The following KANSL1L variants were observed in gnomAD, a reference collection of about 807,000 sequenced individuals.
KANSL1L encodes the protein KAT8 regulatory NSL complex subunit 1-like protein.
In KANSL1L, 25 loss-of-function variants were observed where a neutral mutation model predicts 108.6. The observed-to-expected ratio is 0.23, with a 90% CI of 0.17 to 0.32. The LOEUF (loss-of-function observed/expected upper bound fraction) is 0.32. Ranked by LOEUF, KANSL1L falls within the 10% of genes least tolerant of loss-of-function variation. The probability of loss-of-function intolerance (pLI) is 1.00; values close to 1 mark genes in which losing one functional copy is unlikely to be tolerated. For missense variants in KANSL1L, 1,137 were observed against 1,125.7 expected, an observed-to-expected ratio of 1.01 and a Z score of -0.14; for synonymous variants, 405 against 395.1, an observed-to-expected ratio of 1.03 and a Z score of -0.30.
intron 3 of KANSL1L, among the ~76,000 whole-genome samples, chr2:210,108,138 A>G (rs150398700): frequency 6.6e-6 from 1 of 152,340 alleles, no homozygotes; most frequent in East Asian, 1.9e-4. Flanking sequence ...CTTATATAAT[A>G]ACATTTCAAC....
In KANSL1L at chr2:210,086,785, T is replaced by C. The variant is rs898037301; in HGVS notation, c.1551-11029A>G. Among the ~76,000 whole-genome samples, 15 of 152,124 alleles carry C rather than the reference T, an allele frequency of 9.9e-5. 1 individual carries two copies. Among genetic ancestry groups the C allele is most frequent in the Admixed American group, 7.9e-4 (12 of 15,282 alleles). ...TAGAATGAGGCTAACCTTTAAAAAT[T>C]AAAAATTTAAATTTCTTCTAACCTA... is the stretch of plus-strand genomic sequence containing the variant. On this transcript the variant is annotated intron_variant, in intron 5 of 14. Transcript: ENST00000281772.
intron 5 of KANSL1L, among the ~76,000 whole-genome samples, chr2:210,090,702 T>A (rs925069348): frequency 1.3e-5 from 2 of 151,954 alleles, no homozygotes; most frequent in East Asian, 3.9e-4. Flanking sequence ...CAGCTAATTT[T>A]AAAAAAATTT....
At chr2:210,172,452 A>G (rs1688386267), upstream of KANSL1L, among the ~76,000 whole-genome samples, 1 of 152,246 alleles carries the variant, frequency 6.6e-6, no homozygotes, top group South Asian at 2.1e-4. Context: ...AATCCGTAAC[A>G]TAGATAACTG....
At chr2:210,050,727 C>T (rs569218596) in intron 6 of KANSL1L, among the ~76,000 whole-genome samples, 9 of 150,578 alleles carry the variant, frequency 6.0e-5, no homozygotes, top group African/African-American at 2.2e-4. Flanking sequence ...TAGCTGGGCA[C>T]AGTGGCACAC....
At chr2:210,026,939 T>G (rs2093946514) in intron 12 of KANSL1L, among the ~76,000 whole-genome samples, 1 of 152,006 alleles carries the variant, frequency 6.6e-6, no homozygotes, top group South Asian at 2.1e-4. Flanking sequence ...CCCGACTAAT[T>G]TTTTTGTATT....
chr2:210,027,350 G>C lies in KANSL1L; in HGVS notation c.2397C>G (p.Ser799Arg), dbSNP rs959814468. ...AAGGCTGAAGAACAACCATCCTCCA[G>C]CTGTTGAAGATAAAAACCAATTTTA... ...KLQYKEILTP[S>R]WRMVVLQPLD... The change falls in exon 12 of 15, where the codon AGC becomes AGG. Residue 799 changes from serine (S) to arginine (R), a missense_variant and splice_region_variant. Around this residue, in one of 3 missense-constraint regions of KANSL1L, gnomAD observed 575 missense variants for 567.1 expected, o/e 1.01. Transcript: ENST00000281772. 5 of 1,611,472 alleles carry C rather than the reference G, an allele frequency of 3.1e-6. No homozygotes were observed. In the African/African-American group the frequency reaches 6.7e-5, roughly 22 times the overall value.
At chr2:210,102,707 C>T (rs890155976) in intron 4 of KANSL1L, among the ~76,000 whole-genome samples, 3 of 152,114 alleles carry the variant, frequency 2.0e-5, no homozygotes, top group Non-Finnish European at 2.9e-5. Flanking sequence ...CCAACAGACA[C>T]GTGAAAAAAT....
intron 5 of KANSL1L, among the ~76,000 whole-genome samples, chr2:210,087,592 C>T (rs2094649879): frequency 6.6e-6 from 1 of 152,088 alleles, no homozygotes; most frequent in African/African-American, 2.4e-5. Context: ...TTCATTCATT[C>T]AACAAATATT....
chr2:210,134,003 T>A (rs1011164362), intron 2 of KANSL1L, among the ~76,000 whole-genome samples: 1 of 152,140 alleles, frequency 6.6e-6, no homozygotes. Context: ...TCTGGAAATG[T>A]CATTTTGTCT....
chr2:210,098,025 C>A, intron 5 of KANSL1L, 61 bp downstream of exon 5: 2 of 1,448,626 alleles, frequency 1.4e-6, no homozygotes, highest in Admixed American at 2.3e-5. Flanking sequence ...AAAACAAAAT[C>A]AAAATAAGAT....
chr2:210,064,120 C>T (rs966729630), intron 6 of KANSL1L: 5 of 152,200 alleles, frequency 3.3e-5, no homozygotes, highest in East Asian at 1.9e-4. Context: ...CAAGTTCTCT[C>T]TCTTTGCCTA....
chr2:210,110,738 C>A (rs1225936408), intron 3 of KANSL1L, among the ~76,000 whole-genome samples: 1 of 152,082 alleles, frequency 6.6e-6, no homozygotes, highest in Non-Finnish European at 1.5e-5. Flanking sequence ...GACAAACATA[C>A]AATATTTGGA....
chr2:210,151,640 T>G (rs767985805), intron 2 of KANSL1L: 15 of 152,238 alleles, frequency 9.9e-5, no homozygotes, highest in Non-Finnish European at 1.9e-4. Flanking sequence ...GGTAAATTAT[T>G]TAACCCATGC....
At chr2:210,119,869 C>G (rs114097199) in intron 3 of KANSL1L, among the ~76,000 whole-genome samples, 1,628 of 152,172 alleles carry the variant, frequency 0.011, 23 homozygotes, top group African/African-American at 0.035. Context: ...CCTGAATAAC[C>G]AAGGCAATCC....
At chr2:210,120,349 G>A (rs1298609490) in intron 3 of KANSL1L, among the ~76,000 whole-genome samples, 5 of 152,144 alleles carry the variant, frequency 3.3e-5, no homozygotes, top group South Asian at 2.1e-4. Flanking sequence ...CGGAGATCAC[G>A]CCACTGTACT....
intron 8 of KANSL1L, among the ~76,000 whole-genome samples, chr2:210,034,894 G>A (rs2094079291): frequency 6.6e-6 from 1 of 152,114 alleles, no homozygotes; most frequent in Non-Finnish European, 1.5e-5. Flanking sequence ...AAAAATTTCT[G>A]TATACCCTTT....
intron 6 of KANSL1L, among the ~76,000 whole-genome samples, chr2:210,053,718 A>C (rs1223745526): frequency 6.6e-6 from 1 of 152,202 alleles, no homozygotes; most frequent in Non-Finnish European, 1.5e-5. Context: ...ACATTAAAAA[A>C]CAAATAACTT....
chr2:210,046,603 T>C (rs533364853), intron 6 of KANSL1L, among the ~76,000 whole-genome samples: 6 of 152,026 alleles, frequency 3.9e-5, no homozygotes, highest in East Asian at 3.9e-4. Flanking sequence ...AGAATAACCT[T>C]CTTCTGCTTG....
chr2:210,097,319 T>A, intron 5 of KANSL1L: 1 of 747,830 alleles, frequency 1.3e-6, no homozygotes, highest in Non-Finnish European at 1.6e-6. Context: ...GTTATTAAAA[T>A]AATAAATTAT....
Sources: allele counts gnomAD v4.1 joint callset (sites outside exome capture counted in the v4.1 genomes callset), GRCh38; gene constraint gnomAD v4.1.1; regional missense constraint gnomAD v4.1.1; transcripts MANE v1.5; gene names NCBI Gene and HGNC (gene_info 2026-07-23, HGNC 2026-07-21).